Variants in SGCZ observed in about 807,000 individuals in gnomAD.
SGCZ encodes the protein zeta-sarcoglycan.
In SGCZ, 40 loss-of-function variants were observed where a neutral mutation model predicts 41.3. The observed-to-expected ratio is 0.97, with a 90% CI of 0.75 to 1.26. The LOEUF is 1.26. Among genes scored for constraint, SGCZ ranks in the 50% most tolerant of loss-of-function variants. The pLI is 0.00. For missense variants in SGCZ, 552 were observed against 369.8 expected, an observed-to-expected ratio of 1.49 and a Z score of -4.04; for synonymous variants, 206 against 137.5, an observed-to-expected ratio of 1.50 and a Z score of -3.49.
intron 1 of SGCZ, among the ~76,000 whole-genome samples, chr8:15,186,958 T>C (rs1044212890): frequency 6.6e-6 from 1 of 152,184 alleles, no homozygotes; most frequent in Non-Finnish European, 1.5e-5. Context: ...TTTCATGATA[T>C]AATGTCAGTT....
rs536050130 is a variant in SGCZ, at chr8:14,095,478, C to T, written c.745-4841G>A. On this transcript the variant is annotated intron_variant, in intron 7 of 7. Transcript: ENST00000382080. ...TGAGGCCGCTGTTCTGTTTTGGTAC[C>T]AGTACCATGCTGTTTTGGTTACTGT... Among the ~76,000 whole-genome samples the T allele has an allele frequency of 2.0e-5, 3 of 151,118 alleles. No individual in the cohort carries two copies. In the South Asian group the frequency reaches 6.2e-4, roughly 31 times the overall value.
At chr8:14,274,008 T>C (rs1367239987) in intron 3 of SGCZ, among the ~76,000 whole-genome samples, 6 of 152,122 alleles carry the variant, frequency 3.9e-5, no homozygotes, top group Admixed American at 3.9e-4. Flanking sequence ...TGCTGGTATT[T>C]GTTAGAAATA....
intron 1 of SGCZ, among the ~76,000 whole-genome samples, chr8:15,021,620 A>C (rs1247361989): frequency 6.6e-6 from 1 of 152,230 alleles, no homozygotes; most frequent in Non-Finnish European, 1.5e-5. Flanking sequence ...ACAGTTACGG[A>C]GAACACTACT....
At chr8:15,002,180 G>C (rs566291701) in intron 1 of SGCZ, among the ~76,000 whole-genome samples, 50 of 145,270 alleles carry the variant, frequency 3.4e-4, no homozygotes, top group Non-Finnish European at 6.9e-4. Context: ...CTTCAGGAAT[G>C]ACTTAAGAAT....
chr8:14,704,677 C>A (rs949085138), intron 1 of SGCZ, among the ~76,000 whole-genome samples: 4 of 151,888 alleles, frequency 2.6e-5, no homozygotes, highest in African/African-American at 9.7e-5. Context: ...TGTGGTGTAA[C>A]CCAGCTGCAT....
intron 1 of SGCZ, among the ~76,000 whole-genome samples, chr8:15,030,861 A>G (rs1188275794): frequency 1.3e-5 from 2 of 152,280 alleles, no homozygotes; most frequent in East Asian, 3.9e-4. Flanking sequence ...AGCTAAAGAG[A>G]GTTAGAGTTA....
chr8:15,193,350 C>A (rs1193840335), intron 1 of SGCZ, among the ~76,000 whole-genome samples: 1 of 152,022 alleles, frequency 6.6e-6, no homozygotes, highest in Non-Finnish European at 1.5e-5. Context: ...ATGAGGACAT[C>A]GTTATAACTG....
At chr8:14,495,379 T>C (rs1175050376) in intron 2 of SGCZ, among the ~76,000 whole-genome samples, 2 of 152,192 alleles carry the variant, frequency 1.3e-5, no homozygotes, top group Non-Finnish European at 2.9e-5. Flanking sequence ...CTTATTGACA[T>C]AACTGATTTG....
At chr8:14,604,398 G>A (rs1316211611) in intron 1 of SGCZ, among the ~76,000 whole-genome samples, 1 of 151,626 alleles carries the variant, frequency 6.6e-6, no homozygotes, top group Non-Finnish European at 1.5e-5. Flanking sequence ...ATAGGAGAAT[G>A]GGGTGACAAT....
At chr8:15,229,428 A>G (rs1481257462) in intron 1 of SGCZ, among the ~76,000 whole-genome samples, 1 of 152,232 alleles carries the variant, frequency 6.6e-6, no homozygotes, top group Non-Finnish European at 1.5e-5. Flanking sequence ...ATGGACCACA[A>G]ATCTGTTCCT....
chr8:14,886,389 G>C (rs963924123), intron 1 of SGCZ, among the ~76,000 whole-genome samples: 2 of 152,054 alleles, frequency 1.3e-5, no homozygotes, highest in Non-Finnish European at 2.9e-5. Flanking sequence ...AGAGGTGAAA[G>C]CTAAGGGGAA....
intron 1 of SGCZ, among the ~76,000 whole-genome samples, chr8:14,766,712 T>A (rs58675287): frequency 0.35 from 51,044 of 147,688 alleles, 10,831 homozygotes; most frequent in East Asian, 0.5. Flanking sequence ...CAGGCACCTG[T>A]CACCATGTCC....
chr8:14,724,323 A>G (rs910992103), intron 1 of SGCZ, among the ~76,000 whole-genome samples: 5 of 151,572 alleles, frequency 3.3e-5, no homozygotes, highest in Non-Finnish European at 7.4e-5. Flanking sequence ...GTATATATAT[A>G]TGTGTTCTAA....
intron 1 of SGCZ, among the ~76,000 whole-genome samples, chr8:15,078,322 G>T (rs139858641): frequency 3.2e-4 from 49 of 151,628 alleles, no homozygotes; most frequent in African/African-American, 1.1e-3. Flanking sequence ...CTCAGTTGAT[G>T]GTGCACCCGT....
At chr8:14,259,900 G>A (rs1395272063) in intron 3 of SGCZ, among the ~76,000 whole-genome samples, 1 of 151,990 alleles carries the variant, frequency 6.6e-6, no homozygotes, top group Non-Finnish European at 1.5e-5. Flanking sequence ...ATTACCTTGG[G>A]CAGTATGGCC....
intron 3 of SGCZ, among the ~76,000 whole-genome samples, chr8:14,292,299 T>C (rs549529911): frequency 3.3e-5 from 5 of 152,104 alleles, no homozygotes; most frequent in Non-Finnish European, 5.9e-5. Flanking sequence ...GGGGCAGACA[T>C]GAGAGTAGCT....
intron 2 of SGCZ, among the ~76,000 whole-genome samples, chr8:14,340,047 T>C (rs1802648895): frequency 6.6e-6 from 1 of 152,166 alleles, no homozygotes; most frequent in Admixed American, 6.5e-5. Flanking sequence ...ATGACGTCAA[T>C]CTTCTACACG....
At chr8:14,281,074 G>T (rs907884456) in intron 3 of SGCZ, among the ~76,000 whole-genome samples, 8 of 151,698 alleles carry the variant, frequency 5.3e-5, no homozygotes, top group Non-Finnish European at 1.2e-4. Flanking sequence ...TAGGTGATGT[G>T]CATTACCATA....
chr8:15,207,789 G>A lies in SGCZ; in HGVS notation c.39+29796C>T, dbSNP rs778238345. On this transcript the variant is annotated intron_variant, in intron 1 of 7. Coordinates refer to ENST00000382080, the MANE Select transcript of SGCZ (RefSeq NM_139167.4). ...AACCAGAGCTTTTTTATATAAGGAG[G>A]GAAAGAAGGAAATGAAGGACATTCT... Among the ~76,000 whole-genome samples the A allele has an allele frequency of 5.1e-4, 77 of 152,156 alleles. 1 individual carries two copies. Among genetic ancestry groups the A allele is most frequent in the South Asian group, 1.0e-3 (5 of 4,816 alleles).
Sources: gnomAD v4.1 joint callset for allele counts (sites outside exome capture counted in the v4.1 genomes callset) on GRCh38, gnomAD v4.1.1 for gene constraint, MANE v1.5 for transcripts, NCBI Gene and HGNC (gene_info 2026-07-23, HGNC 2026-07-21) for gene names.